The following PGAP6 variants were observed in gnomAD, a reference collection of about 807,000 sequenced individuals.
The protein encoded by PGAP6 is post-GPI attachment to proteins 6.
In PGAP6, 62 loss-of-function variants were observed where a neutral mutation model predicts 68.4. That is an observed-to-expected ratio of 0.91 (90% confidence interval 0.74 to 1.12). PGAP6 has a LOEUF of 1.12. PGAP6 is among the 50% of genes most tolerant of loss of function. PGAP6 has a pLI of 0.00. For synonymous variants in PGAP6, 575 were observed against 474.0 expected (o/e 1.21, Z -2.77); for missense variants, 1,188 against 1,068.5 (o/e 1.11, Z -1.56).
Position 377,696 on chromosome 16 carries a change from C to G in PGAP6, c.274G>C (p.Ala92Pro). 6.3e-7 allele frequency: 1 copy of G among 1,591,638 alleles called. No homozygotes were observed. Among genetic ancestry groups the G allele is most frequent in the Non-Finnish European group, 8.5e-7 (1 of 1,170,170 alleles). The change falls in exon 2 of 13, where the codon GCC becomes CCC. Residue 92 changes from alanine to proline, a missense_variant. Transcript: ENST00000431232. Reference protein sequence around the residue: ...LLQVSRESGAACTDAEITVHF... With the variant: ...LLQVSRESGAPCTDAEITVHF... ...ACGGTGATCTCCGCGTCGGTGCAGGCAGCGCCGCTCTCCCGGGAGACCTGC... is the reference window on the plus strand; with the variant it reads ...ACGGTGATCTCCGCGTCGGTGCAGGGAGCGCCGCTCTCCCGGGAGACCTGC...
At position 376,579 on chromosome 16, in the gene PGAP6, C is replaced by T. The variant is rs146978632; in HGVS notation, c.869G>A (p.Gly290Glu). ...VTAESLVGPL[G>E]TVAFSAVAAL... is the part of the protein sequence containing the mutation. The stretch of plus-strand genomic sequence containing the variant: ...AGCTACAGCACTGAAAGCCACTGTC[C>T]CGAGGGGCCCCACCAGGCTCTCAGC... Residue 290 changes from glycine (G) to glutamate (E), a missense_variant, in exon 5 of 13, where the codon GGG becomes GAG. Physicochemically the swap from Gly to Glu is moderately conservative, Grantham distance 98. Coordinates refer to ENST00000431232, the MANE Select transcript of PGAP6 (RefSeq NM_021259.3). The T allele has an allele frequency of 1.3e-3, 2,026 of 1,570,850 alleles. 14 individuals carry two copies. Among genetic ancestry groups the T allele is most frequent in the Non-Finnish European group, 6.4e-4 (743 of 1,157,860 alleles).
chr16:374,559 G>A lies in PGAP6; in HGVS notation c.1577-160C>T, dbSNP rs543713980. Among the ~76,000 whole-genome samples, 27 of 152,288 alleles carry A rather than the reference G, an allele frequency of 1.8e-4. No homozygotes were observed. The East Asian group carries it at 4.4e-3, about 25-fold the overall frequency. On this transcript the variant is annotated intron_variant, in intron 9 of 12. Transcript: ENST00000431232. ...AGGTCAGGAGGCAGTACCACCCCCC[G>A]GGGATACCTGGTGCCTGTGCCAGGC...
At chr16:374,452 G>A in intron 9 of PGAP6, 53 bp from the exon 10 acceptor site, 1 of 1,489,362 alleles carries the variant, frequency 6.7e-7, no homozygotes, top group Non-Finnish European at 8.9e-7. Context: ...GAACCTCAGG[G>A]CCCACCCCTC....
In PGAP6 at chr16:376,146, C is replaced by G; in HGVS notation, c.1214G>C (p.Arg405Pro). 1.9e-6 allele frequency: 3 copies of G among 1,603,144 alleles called. No homozygotes were observed. The African/African-American group carries it at 4.0e-5, about 21-fold the overall frequency. Residue 405 changes from arginine (R) to proline (P), a missense_variant, in exon 6 of 13, where the codon CGG (arginine) becomes CCG (proline). Arg to Pro is a moderately radical substitution (Grantham distance 103). Coordinates refer to ENST00000431232, the MANE Select transcript of PGAP6 (RefSeq NM_021259.3). ...DSGGSLTISL[R>P]ANKTEMRNET... ...GCAGACAGCAGGTACCTTGTTGGCCCGCAGGGAGATGGTGAGGGAACCCCC... is the reference window on the plus strand; with the variant it reads ...GCAGACAGCAGGTACCTTGTTGGCCGGCAGGGAGATGGTGAGGGAACCCCC...
chr16:381,146 C>T (rs1342317900), intron 1 of PGAP6, among the ~76,000 whole-genome samples: 3 of 152,152 alleles, frequency 2.0e-5, no homozygotes, highest in African/African-American at 7.2e-5. Context: ...GCGCCCTTTC[C>T]TCAGCCCCTC....
rs1416423829 is a variant in PGAP6 at position 370,875 on chromosome 16, A to G, written c.*1112T>C. 1.3e-5 allele frequency: 2 copies of G among 152,410 alleles called. No individual in the cohort carries two copies. The highest frequency in any genetic ancestry group is 2.9e-5 in the Non-Finnish European group (2 of 68,220). 9.4% of individuals were successfully genotyped at this position (152,410 alleles called of 1,614,324 possible). A position where few individuals can be genotyped will look rare whatever the true frequency, so the allele number is the denominator to read the frequency against. On this transcript the variant is annotated 3_prime_UTR_variant, in exon 13 of 13. Coordinates refer to ENST00000431232, the MANE Select transcript of PGAP6 (RefSeq NM_021259.3). ...TAAAAATATGTCTTAATATCTTAGA[A>G]TTTTCCTTTACTCCAAAAAACCCCA...
chr16:372,683 C>T lies in PGAP6; in HGVS notation c.1947G>A (p.Gln649=). 2 of 1,612,488 alleles carry T rather than the reference C, an allele frequency of 1.2e-6. No homozygotes were observed. Among genetic ancestry groups the T allele is most frequent in the Non-Finnish European group, 1.7e-6 (2 of 1,179,812 alleles). ...LGTLVIAMSL[Q]LDRRGMWNML... is the part of the protein sequence containing the mutation. ...TGTTCCACATGCCCCTGCGGTCCAG[C>T]TGCAAGGACATGGCGATGACCAGTG... is the stretch of plus-strand genomic sequence containing the variant. The change falls in exon 12 of 13, where the codon CAG becomes CAA. Residue 649 remains glutamine, a synonymous_variant. Coordinates refer to ENST00000431232, the MANE Select transcript of PGAP6 (RefSeq NM_021259.3).
intron 9 of PGAP6, 149 bp downstream of exon 9, chr16:374,607 G>A (rs558601747): frequency 1.7e-6 from 2 of 1,191,616 alleles, no homozygotes; most frequent in Admixed American, 2.7e-5. Flanking sequence ...GGTGGGGAAT[G>A]GGGGAGTGGG....
intron 1 of PGAP6, among the ~76,000 whole-genome samples, chr16:379,299 C>T (rs1015239097): frequency 6.6e-6 from 1 of 152,202 alleles, no homozygotes; most frequent in Non-Finnish European, 1.5e-5. Context: ...TCGTGACCCT[C>T]CCATAGAGGC....
chr16:375,308 C>T (rs1191267373), intron 7 of PGAP6, 37 bp downstream of exon 7: 1 of 1,612,578 alleles, frequency 6.2e-7, no homozygotes, highest in South Asian at 1.1e-5. Context: ...GGGGGGCTGG[C>T]CGGGGCCACG....
intron 6 of PGAP6, 98 bp from the exon 7 acceptor site, chr16:375,533 C>CT (rs373943287): frequency 0.16 from 108,724 of 701,076 alleles, 24 homozygotes; most frequent in East Asian, 0.17. Flanking sequence ...TGGTGCCTTT[C>CT]TTTTTTTTTT....
Position 372,141 on chromosome 16 carries a change from G to A in PGAP6, c.2162C>T (p.Thr721Ile), listed in dbSNP as rs1250287405. 1.2e-6 allele frequency: 2 copies of A among 1,613,012 alleles called. No homozygotes were observed. The highest frequency in any genetic ancestry group is 3.3e-5 in the Admixed American group (2 of 60,016). ...SMMTSDNYYY[T>I]HSIWHILLAG... ...CAGCAGGATGTGCCAGATGCTGTGG[G>A]TGTAGTAGTAGTTGTCGCTAGTCAT... The change falls in exon 13 of 13, where the codon ACC becomes ATC. Residue 721 changes from threonine to isoleucine, a missense_variant. Transcript: ENST00000431232.
At chr16:373,345 C>T (rs745516621) in intron 11 of PGAP6, among the ~76,000 whole-genome samples, 34 of 152,222 alleles carry the variant, frequency 2.2e-4, no homozygotes, top group Non-Finnish European at 7.3e-5. Flanking sequence ...CTCCCCTTGC[C>T]AGGGCCAGCT....
chr16:385,687 C>T (rs555606089), upstream of PGAP6, among the ~76,000 whole-genome samples: 126 of 129,740 alleles, frequency 9.7e-4, 2 homozygotes, highest in South Asian at 3.5e-3. Context: ...TGCAGTGGCG[C>T]GATCCTGGCT....
chr16:378,019 GCCAGAT>G (rs543440183), intron 1 of PGAP6, among the ~76,000 whole-genome samples, 171 bp from the exon 2 acceptor site: 462 of 152,174 alleles, frequency 3.0e-3, no homozygotes, highest in Non-Finnish European at 4.9e-3. Context: ...TGGCCCCTCA[GCCAGAT>G]CCTCTGCTGT....
chr16:375,871 G>A (rs1226124737), intron 6 of PGAP6, among the ~76,000 whole-genome samples: 1 of 152,204 alleles, frequency 6.6e-6, no homozygotes, highest in East Asian at 1.9e-4. Flanking sequence ...GGCCCACGGT[G>A]CACCGGGACC....
rs750029752 is a variant in PGAP6, at chr16:372,197, G to A, written c.2106C>T (p.Ala702=). The change falls in exon 13 of 13, where the codon GCC becomes GCT. Residue 702 remains alanine (A), a synonymous_variant. Coordinates refer to ENST00000431232, the MANE Select transcript of PGAP6 (RefSeq NM_021259.3). Reference sequence around the variant, plus strand: ...AGGTGTAGATGGCGATGCCCACAGAGGCCATAGAGACGCCGGGCAGGAGGT... The same window carrying A: ...AGGTGTAGATGGCGATGCCCACAGAAGCCATAGAGACGCCGGGCAGGAGGT... ...AFYLLPGVSM[A]SVGIAIYTSM... is the part of the protein sequence containing the mutation. 9 of 1,611,350 alleles carry A rather than the reference G, an allele frequency of 5.6e-6. No individual in the cohort carries two copies. The highest frequency in any genetic ancestry group is 2.2e-5 in the South Asian group (2 of 91,026).
At position 371,880 on chromosome 16, in the gene PGAP6, T is replaced by A; in HGVS notation, c.*107A>T. The A allele has an allele frequency of 1.5e-6, 2 of 1,322,008 alleles. No individual in the cohort carries two copies. Among genetic ancestry groups the A allele is most frequent in the South Asian group, 1.4e-5 (1 of 71,358 alleles). 81.9% of individuals were successfully genotyped at this position (1,322,008 alleles called of 1,614,324 possible). A position where few individuals can be genotyped will look rare whatever the true frequency, so the allele number is the denominator to read the frequency against. On this transcript the variant is annotated 3_prime_UTR_variant, in exon 13 of 13. Coordinates refer to ENST00000431232, the MANE Select transcript of PGAP6 (RefSeq NM_021259.3). Reference sequence around the variant, plus strand: ...GAAGTAAGAGGGTATCTAGGCCAATTTATTCAGCTGGAAATCAATCTGTCC... The same window carrying A: ...GAAGTAAGAGGGTATCTAGGCCAATATATTCAGCTGGAAATCAATCTGTCC...
upstream of PGAP6, chr16:384,522 C>A (rs1304076620): frequency 6.6e-6 from 1 of 152,224 alleles, no homozygotes; most frequent in Non-Finnish European, 1.5e-5. Flanking sequence ...GGCATGTGAA[C>A]CCCCTCAACC....
Sources: gnomAD v4.1 joint callset for allele counts (sites outside exome capture counted in the v4.1 genomes callset) on GRCh38, gnomAD v4.1.1 for gene constraint, MANE v1.5 for transcripts, NCBI Gene and HGNC (gene_info 2026-07-23, HGNC 2026-07-21) for gene names.